Variants in EFNB2 observed in about 807,000 individuals in gnomAD.
The protein encoded by EFNB2 is ephrin B2.
EFNB2 carries 5 observed loss-of-function variants against 32.1 expected under a neutral mutation model. The observed-to-expected ratio is 0.16, with a 90% CI of 0.08 to 0.33. The LOEUF is 0.33. EFNB2 is among the 10% of genes least tolerant of loss of function. The pLI is 1.00. For synonymous variants in EFNB2, 168 were observed against 166.5 expected (o/e 1.01, Z -0.07); for missense variants, 263 against 422.6 (o/e 0.62, Z 3.31).
intron 1 of EFNB2, among the ~76,000 whole-genome samples, chr13:106,524,775 T>C (rs939544187): frequency 6.6e-6 from 1 of 152,158 alleles, no homozygotes; most frequent in African/African-American, 2.4e-5. Context: ...CACAGCTGAA[T>C]GAGAAAGTCC....
intron 1 of EFNB2, among the ~76,000 whole-genome samples, chr13:106,532,079 C>CAAAAAAAAAAAAAAAAA (rs1404488142): frequency 2.4e-5 from 1 of 41,838 alleles, no homozygotes; most frequent in African/African-American, 6.3e-5. Flanking sequence ...AAAAAAAAAC[C>CAAAAAAAAAAAAAAAAA]AAAACTTTAA....
chr13:106,531,191 T>A (rs1337685519), intron 1 of EFNB2, among the ~76,000 whole-genome samples: 1 of 152,226 alleles, frequency 6.6e-6, no homozygotes, highest in Non-Finnish European at 1.5e-5. Flanking sequence ...GGCTTGAAGC[T>A]GTAACTGTTG....
chr13:106,521,585 CAT>C (rs1879522453), intron 1 of EFNB2: 1 of 152,160 alleles, frequency 6.6e-6, no homozygotes, highest in Non-Finnish European at 1.5e-5. Context: ...CTACAATTAG[CAT>C]ATGAGTCAAA....
intron 2 of EFNB2, among the ~76,000 whole-genome samples, chr13:106,511,594 T>G (rs1178406975): frequency 6.6e-6 from 1 of 152,176 alleles, no homozygotes; most frequent in Non-Finnish European, 1.5e-5. Context: ...GGGCAAATAA[T>G]AAACCAGTGG....
chr13:106,535,131 T>C lies in EFNB2; in HGVS notation c.-167A>G, dbSNP rs113560651. The C allele has an allele frequency of 0.28, 203,457 of 719,324 alleles. 30,943 individuals are homozygous for C. Among genetic ancestry groups the C allele is most frequent in the Admixed American group, 0.32 (6,509 of 20,094 alleles). The allele number at this position is 719,324 out of a possible 1,614,324, so 44.6% of individuals were successfully genotyped here. A position where few individuals can be genotyped will look rare whatever the true frequency, so the allele number is the denominator to read the frequency against. ...CCAGCGGTCGCCGGGCCAGGTGCGC[T>C]CGCTCTCCGGGGCCCTCAGGGCGCG... is the stretch of plus-strand genomic sequence containing the variant. On this transcript the variant is annotated 5_prime_UTR_variant, in exon 1 of 5. Transcript: ENST00000646441.
At chr13:106,532,484 AAT>A (rs1879910422) in intron 1 of EFNB2, among the ~76,000 whole-genome samples, 1 of 152,222 alleles carries the variant, frequency 6.6e-6, no homozygotes. Flanking sequence ...TTCCTCTGGA[AAT>A]AAATATAAAA....
chr13:106,525,267 C>T (rs2138939816), intron 1 of EFNB2, among the ~76,000 whole-genome samples: 1 of 152,326 alleles, frequency 6.6e-6, no homozygotes, highest in South Asian at 2.1e-4. Context: ...AATGGCTAAA[C>T]TGGGATTGGA....
chr13:106,493,987 A>G lies in EFNB2; in HGVS notation c.614-559T>C, dbSNP rs1186719092. 1.3e-5 allele frequency among the ~76,000 whole-genome samples: 2 copies of G among 152,250 alleles called. No individual in the cohort carries two copies. The highest frequency in any genetic ancestry group is 2.9e-5 in the Non-Finnish European group (2 of 68,050). ...GTATTATTTGATTTACACTTAAAAT[A>G]TATTTGGAAGGCAGCAGAAACTCTC... On this transcript the variant is annotated intron_variant, in intron 4 of 4. Transcript: ENST00000646441. This position sits in a 1 kb window ranked among gnomAD's most constrained non-coding sequence, Gnocchi z 6.1.
intron 2 of EFNB2, among the ~76,000 whole-genome samples, chr13:106,505,620 C>T (rs1452167433): frequency 6.6e-6 from 1 of 152,156 alleles, no homozygotes; most frequent in Non-Finnish European, 1.5e-5. Flanking sequence ...CTGGTCTGTG[C>T]ATCTTGGCTA....
intron 1 of EFNB2, among the ~76,000 whole-genome samples, chr13:106,532,071 AAAAAAACC>A (rs746975190): frequency 0.014 from 1,131 of 78,440 alleles, 14 homozygotes; most frequent in East Asian, 0.062. Context: ...AAAAAACAAA[AAAAAAACC>A]AAAACTTTAA....
intron 2 of EFNB2, among the ~76,000 whole-genome samples, chr13:106,504,834 T>C (rs944963995): frequency 6.6e-6 from 1 of 152,280 alleles, no homozygotes; most frequent in Middle Eastern, 3.4e-3. Flanking sequence ...CCACCTCTAC[T>C]TGTATGTTTG....
At position 106,505,090 on chromosome 13, in the gene EFNB2, T is replaced by C. The variant is rs1318352841; in HGVS notation, c.406+7439A>G. Among the ~76,000 whole-genome samples, 3 of 152,302 alleles carry C rather than the reference T, an allele frequency of 2.0e-5. No homozygotes were observed. In the East Asian group the frequency reaches 5.8e-4, roughly 29 times the overall value. ...TAGTTCAACTTTGGGGGCAGATGAT[T>C]GCAAGCTGGTTATATGTTACACAAT... On this transcript the variant is annotated intron_variant, in intron 2 of 4. Coordinates refer to ENST00000646441, the MANE Select transcript of EFNB2 (RefSeq NM_004093.4).
At chr13:106,507,339 C>CT (rs1878988709) in intron 2 of EFNB2, among the ~76,000 whole-genome samples, 1 of 152,292 alleles carries the variant, frequency 6.6e-6, no homozygotes, top group South Asian at 2.1e-4. Context: ...TTGAAAGCTC[C>CT]TGTAACTATC....
At chr13:106,529,118 G>A (rs1189400985) in intron 1 of EFNB2, among the ~76,000 whole-genome samples, 1 of 152,182 alleles carries the variant, frequency 6.6e-6, no homozygotes, top group Non-Finnish European at 1.5e-5. Context: ...CTGAGGGAGA[G>A]GGACAATGTG....
At chr13:106,534,332 C>T (rs1879982961) in intron 1 of EFNB2, among the ~76,000 whole-genome samples, 1 of 152,176 alleles carries the variant, frequency 6.6e-6, no homozygotes, top group African/African-American at 2.4e-5. Context: ...CAGGGCTCTG[C>T]GGGCAGCGTA....
chr13:106,502,865 G>A (rs957835590), intron 2 of EFNB2, among the ~76,000 whole-genome samples: 1 of 152,146 alleles, frequency 6.6e-6, no homozygotes, highest in Admixed American at 6.5e-5. Context: ...GATGGCAGGT[G>A]CACATGTGTG....
chr13:106,493,585 C>T lies in EFNB2; in HGVS notation c.614-157G>A, dbSNP rs12869470. Among the ~76,000 whole-genome samples, 14,984 of 152,178 alleles carry T rather than the reference C, an allele frequency of 0.098. 866 individuals carry two copies. Among genetic ancestry groups the T allele is most frequent in the Middle Eastern group, 0.15 (45 of 294 alleles). On this transcript the variant is annotated intron_variant, in intron 4 of 4. Transcript: ENST00000646441. The surrounding 1 kb of genome is among the most constrained non-coding windows in gnomAD (Gnocchi z 6.1). ...GCCAATACCTCGTCTAAGAGCTCAA[C>T]GCAAAAGGAAATGAGAGGTATCTCT...
At chr13:106,519,130 G>C (rs1390492817) in intron 1 of EFNB2, 2 of 151,988 alleles carry the variant, frequency 1.3e-5, no homozygotes, top group Non-Finnish European at 1.5e-5. Flanking sequence ...ATACAAACAG[G>C]AACTACCAGT....
At chr13:106,527,835 G>A (rs1210119970) in intron 1 of EFNB2, among the ~76,000 whole-genome samples, 3 of 152,186 alleles carry the variant, frequency 2.0e-5, no homozygotes, top group South Asian at 4.1e-4. Flanking sequence ...GTAAACAAAC[G>A]GCAGGGCTTT....
Sources: gnomAD v4.1 joint callset for allele counts (sites outside exome capture counted in the v4.1 genomes callset) on GRCh38, gnomAD v4.1.1 for gene constraint, Gnocchi (gnomAD v3.1) non-coding constraint, MANE v1.5 for transcripts, NCBI Gene and HGNC (gene_info 2026-07-23, HGNC 2026-07-21) for gene names.